Variants in ATP8B4 observed in about 807,000 individuals in gnomAD.
ATP8B4 encodes the protein probable phospholipid-transporting ATPase IM.
A neutral mutation model predicts 145.6 loss-of-function variants in ATP8B4; 133 were observed. That is an observed-to-expected ratio of 0.91 (90% CI 0.79 to 1.05). ATP8B4 has a LOEUF of 1.05. ATP8B4 is among the 50% of genes least tolerant of loss of function. ATP8B4 has a pLI of 0.00. For missense variants in ATP8B4, 1,458 were observed against 1,425.2 expected (o/e 1.02, Z -0.37); for synonymous variants, 507 against 492.9 (o/e 1.03, Z -0.38).
At chr15:50,068,249 T>A (rs1188292483) in intron 3 of ATP8B4, among the ~76,000 whole-genome samples, 1 of 152,188 alleles carries the variant, frequency 6.6e-6, no homozygotes, top group Non-Finnish European at 1.5e-5. Context: ...AAGGAGTTCA[T>A]GTTGCAGGGA....
chr15:50,038,157 A>G (rs1276466338), intron 6 of ATP8B4, among the ~76,000 whole-genome samples: 1 of 152,220 alleles, frequency 6.6e-6, no homozygotes, highest in Non-Finnish European at 1.5e-5. Context: ...AAGAAGTTTT[A>G]AAATTACCCC....
chr15:50,035,497 A>G (rs2153597709), intron 6 of ATP8B4, among the ~76,000 whole-genome samples: 1 of 152,328 alleles, frequency 6.6e-6, no homozygotes, highest in African/African-American at 2.4e-5. Flanking sequence ...ACCTGCCATG[A>G]AACCCTGGGC....
At chr15:49,940,090 T>C (rs150904511) in intron 14 of ATP8B4, among the ~76,000 whole-genome samples, 1 of 152,298 alleles carries the variant, frequency 6.6e-6, no homozygotes. Context: ...AAAATACACA[T>C]GCACTTGTAT....
At chr15:50,113,838 C>CAAAAAAAAAAAAAAAAAAAAAAAAAAAAA (rs67648465) in intron 1 of ATP8B4, among the ~76,000 whole-genome samples, 1 of 67,274 alleles carries the variant, frequency 1.5e-5, no homozygotes, top group African/African-American at 6.5e-5. Context: ...AACTCCATCT[C>CAAAAAAAAAAAAAAAAAAAAAAAAAAAAA]AAAAAAAAAA....
intron 1 of ATP8B4, among the ~76,000 whole-genome samples, chr15:50,159,930 TCTC>T (rs2044490071): frequency 6.6e-6 from 1 of 151,744 alleles, no homozygotes; most frequent in African/African-American, 2.4e-5. Context: ...AGTATTCCCT[TCTC>T]CTCTATTTTT....
chr15:50,095,280 AG>A (rs1415030462), intron 2 of ATP8B4, among the ~76,000 whole-genome samples: 1 of 152,130 alleles, frequency 6.6e-6, no homozygotes, highest in Non-Finnish European at 1.5e-5. Context: ...AGAGACTGAA[AG>A]AGAGAGAGAA....
chr15:50,042,462 C>T (rs1196117664), intron 5 of ATP8B4, among the ~76,000 whole-genome samples: 1 of 152,114 alleles, frequency 6.6e-6, no homozygotes, highest in Non-Finnish European at 1.5e-5. Context: ...GGGGTGAGTT[C>T]CCACTTTCTC....
intron 24 of ATP8B4, chr15:49,876,804 C>A: frequency 3.7e-6 from 2 of 540,326 alleles, no homozygotes; most frequent in Non-Finnish European, 6.9e-6. Context: ...TTGAGCCTAG[C>A]TATTTGGCTT....
intron 15 of ATP8B4, among the ~76,000 whole-genome samples, chr15:49,932,580 T>C (rs974650904): frequency 2.0e-5 from 3 of 152,046 alleles, no homozygotes; most frequent in African/African-American, 7.2e-5. Context: ...CTTAAATACA[T>C]TCATGAACTT....
chr15:50,158,884 G>C lies in ATP8B4; in HGVS notation c.-43+23377C>G, dbSNP rs562131423. Among the ~76,000 whole-genome samples, 1,059 of 152,314 alleles carry C rather than the reference G, an allele frequency of 7.0e-3. 5 individuals carry two copies. Among genetic ancestry groups the C allele is most frequent in the Non-Finnish European group, 0.011 (748 of 68,012 alleles). On this transcript the variant is annotated intron_variant, in intron 1 of 3. Transcript: ENST00000558829. ...TTAAGGGTGGTGCAAGATGTGCTTT[G>C]TTAAACAGATGCTTGAAGGCAGCAT...
At position 50,057,484 on chromosome 15, in the gene ATP8B4, G is replaced by A. The variant is rs79605477; in HGVS notation, c.88-10020C>T. ...TTAATGGACTCACTGGCCCTCATCC[G>A]ACATCCTTCACTCTGGTGAAGAACA... On this transcript the variant is annotated intron_variant, in intron 3 of 27. Coordinates refer to ENST00000284509, the MANE Select transcript of ATP8B4 (RefSeq NM_024837.4). 2.4e-4 allele frequency among the ~76,000 whole-genome samples: 36 copies of A among 152,324 alleles called. No homozygotes were observed. The East Asian group carries it at 5.2e-3, about 22-fold the overall frequency.
chr15:50,102,453 C>A (rs1172281079), intron 2 of ATP8B4, among the ~76,000 whole-genome samples: 1 of 151,928 alleles, frequency 6.6e-6, no homozygotes, highest in Non-Finnish European at 1.5e-5. Flanking sequence ...TCATTCAAGG[C>A]CACTATGAAC....
chr15:49,869,511 TATG>T (rs2033357336), intron 25 of ATP8B4, among the ~76,000 whole-genome samples: 1 of 152,048 alleles, frequency 6.6e-6, no homozygotes, highest in Non-Finnish European at 1.5e-5. Flanking sequence ...AATCTTTTAT[TATG>T]AAAAAAGATA....
At chr15:49,882,612 G>A (rs149207247) in intron 23 of ATP8B4, among the ~76,000 whole-genome samples, 246 of 152,250 alleles carry the variant, frequency 1.6e-3, no homozygotes, top group African/African-American at 5.7e-3. Context: ...ATATAATATT[G>A]AGCAAAAGAA....
chr15:50,061,072 T>A (rs1187816024), intron 3 of ATP8B4, among the ~76,000 whole-genome samples: 1 of 152,146 alleles, frequency 6.6e-6, no homozygotes, highest in Non-Finnish European at 1.5e-5. Context: ...ATGTCACAGA[T>A]GAAACACTGA....
intron 23 of ATP8B4, among the ~76,000 whole-genome samples, chr15:49,893,068 C>T (rs2037003496): frequency 6.6e-6 from 1 of 152,212 alleles, no homozygotes; most frequent in South Asian, 2.1e-4. Flanking sequence ...CACACAAATG[C>T]TCTCTGGAAA....
At chr15:50,115,601 G>A (rs1293443682) in intron 1 of ATP8B4, among the ~76,000 whole-genome samples, 1 of 151,964 alleles carries the variant, frequency 6.6e-6, no homozygotes, top group Non-Finnish European at 1.5e-5. Flanking sequence ...GGTTTGCGGA[G>A]CAGTGATAGT....
intron 25 of ATP8B4, among the ~76,000 whole-genome samples, chr15:49,872,488 A>T (rs1490252954): frequency 6.6e-6 from 1 of 152,140 alleles, no homozygotes; most frequent in Non-Finnish European, 1.5e-5. Flanking sequence ...AACCTGAAAA[A>T]CATCATTGTA....
chr15:50,115,816 T>C (rs1436063773), intron 1 of ATP8B4, among the ~76,000 whole-genome samples: 5 of 152,206 alleles, frequency 3.3e-5, no homozygotes, highest in African/African-American at 1.2e-4. Flanking sequence ...GAGCAGGAAT[T>C]ACCGTTATCC....
Sources: gnomAD v4.1 joint callset for allele counts (sites outside exome capture counted in the v4.1 genomes callset) on GRCh38, gnomAD v4.1.1 for gene constraint, MANE v1.5 for transcripts, NCBI Gene and HGNC (gene_info 2026-07-23, HGNC 2026-07-21) for gene names.